Variants in NAT10 observed in about 807,000 individuals in gnomAD.
NAT10 encodes N-acetyltransferase 10, also known as RNA cytidine acetyltransferase.
NAT10 carries 109 observed loss-of-function variants against 132.2 expected under a neutral mutation model. The observed-to-expected ratio is 0.82, with a 90% CI of 0.71 to 0.97. The LOEUF is 0.97. Ranked by LOEUF, NAT10 falls within the 50% of genes least tolerant of loss-of-function variation. NAT10 has a pLI of 0.00. For synonymous variants in NAT10, 479 were observed against 478.0 expected (o/e 1.00, Z -0.03); for missense variants, 1,184 against 1,263.4 (o/e 0.94, Z 0.95).
chr11:34,116,404 G>A (rs747574774), intron 6 of NAT10, among the ~76,000 whole-genome samples: 43 of 152,138 alleles, frequency 2.8e-4, no homozygotes, highest in Admixed American at 1.2e-3. Context: ...AAATTTGTAT[G>A]TATTTATTTT....
chr11:34,108,957 A>G lies in NAT10; in HGVS notation c.200+124A>G, dbSNP rs1258914746. ...AGTGGAGGTGCTATCTCTGAGGACA[A>G]ATGGAGCTGATATCCTTTCTTCATT... On this transcript the variant is annotated intron_variant, in intron 3 of 28. Coordinates refer to ENST00000257829, the MANE Select transcript of NAT10 (RefSeq NM_024662.3). The G allele has an allele frequency of 4.1e-6, 3 of 729,270 alleles. No individual in the cohort carries two copies. The South Asian group carries it at 6.2e-5, about 15-fold the overall frequency. The allele number at this position is 729,270 out of a possible 1,614,324, so 45.2% of individuals were successfully genotyped here. A position where few individuals can be genotyped will look rare whatever the true frequency, so the allele number is the denominator to read the frequency against.
intron 21 of NAT10, 149 bp downstream of exon 21, chr11:34,137,175 G>A: frequency 1.3e-6 from 1 of 785,678 alleles, no homozygotes; most frequent in Admixed American, 2.1e-5. Flanking sequence ...GATGGACATG[G>A]AAACAGCCAT....
chr11:34,134,004 A>C (rs1305512415), intron 16 of NAT10, among the ~76,000 whole-genome samples: 1 of 151,684 alleles, frequency 6.6e-6, no homozygotes, highest in African/African-American at 2.4e-5. Context: ...AAAAAAAAAA[A>C]ATACAAAAAA....
intron 8 of NAT10, among the ~76,000 whole-genome samples, chr11:34,119,630 TAAG>T (rs1228886075): frequency 2.6e-5 from 4 of 152,170 alleles, no homozygotes; most frequent in African/African-American, 9.6e-5. Context: ...CATAAAAAAA[TAAG>T]AAGTGGTGTT....
intron 27 of NAT10, 100 bp downstream of exon 27, chr11:34,142,448 G>A (rs1026879929): frequency 9.2e-6 from 9 of 983,088 alleles, no homozygotes; most frequent in South Asian, 4.2e-5. Context: ...CCTGGAAAGT[G>A]TCTTTCATGG....
chr11:34,124,228 ACTTG>A, intron 10 of NAT10, 70 bp from the exon 11 acceptor site: 1 of 960,108 alleles, frequency 1.0e-6, no homozygotes, highest in African/African-American at 1.6e-5. Context: ...TCTTTAGAAT[ACTTG>A]CTTACTTTCA....
chr11:34,136,568 C>T, intron 19 of NAT10, 74 bp from the exon 20 acceptor site: 1 of 1,584,524 alleles, frequency 6.3e-7, no homozygotes, highest in Non-Finnish European at 8.6e-7. Context: ...CCAGAGTGCG[C>T]TGCGGCAGGG....
rs1413965590 is a variant in NAT10, at chr11:34,136,753, G to A, written c.2140G>A (p.Gly714Ser). ...CCTGGATTACCTGGGTGTTTCCTAT[G>A]GCTTGACCCCCAGGCTCCTCAAGTA... ...ERLDYLGVSY[G>S]LTPRLLKFWK... The change falls in exon 20 of 29, where the codon GGC (glycine) becomes AGC (serine). Residue 714 changes from glycine to serine, a missense_variant. Physicochemically the swap from Gly to Ser is moderately conservative, Grantham distance 56. Coordinates refer to ENST00000257829, the MANE Select transcript of NAT10 (RefSeq NM_024662.3). 48 of 1,614,004 alleles carry A rather than the reference G, an allele frequency of 3.0e-5. No homozygotes were observed. The highest frequency in any genetic ancestry group is 4.1e-5 in the Non-Finnish European group (48 of 1,180,026).
intron 21 of NAT10, 107 bp downstream of exon 21, chr11:34,137,133 C>A: frequency 7.9e-7 from 1 of 1,258,656 alleles, no homozygotes; most frequent in Non-Finnish European, 1.1e-6. Flanking sequence ...TCGCTCTGAG[C>A]AGGTGGCTGT....
intron 13 of NAT10, 23 bp from the exon 14 acceptor site, chr11:34,131,356 TTG>T (rs1348811813): frequency 1.3e-6 from 2 of 1,586,758 alleles, no homozygotes; most frequent in Admixed American, 1.8e-5. Flanking sequence ...GTTTCTTCTT[TTG>T]TGTGTGTGAT....
At chr11:34,131,235 A>T in intron 13 of NAT10, 146 bp from the exon 14 acceptor site, 1 of 1,224,312 alleles carries the variant, frequency 8.2e-7, no homozygotes, top group Non-Finnish European at 1.1e-6. Flanking sequence ...CACCAAAAAC[A>T]ATTTTAAACC....
intron 21 of NAT10, 91 bp from the exon 22 acceptor site, chr11:34,139,099 GC>G (rs1348301813): frequency 2.5e-6 from 3 of 1,218,792 alleles, no homozygotes; most frequent in African/African-American, 3.0e-5. Context: ...GAAGCACTAA[GC>G]CTTTCTTCTC....
chr11:34,128,949 G>A (rs1833622263), intron 12 of NAT10, among the ~76,000 whole-genome samples: 1 of 152,140 alleles, frequency 6.6e-6, no homozygotes, highest in African/African-American at 2.4e-5. Flanking sequence ...GGTCTTCCAT[G>A]ACTGACTTGT....
intron 28 of NAT10, 25 bp downstream of exon 28, chr11:34,143,553 A>G (rs376190946): frequency 2.5e-6 from 4 of 1,605,966 alleles, no homozygotes; most frequent in South Asian, 1.1e-5. Context: ...TCTGATGTGC[A>G]TCTGGCGGAA....
chr11:34,140,296 C>G lies in NAT10; in HGVS notation c.2420-104C>G, dbSNP rs557773846. 8 of 1,096,918 alleles carry G rather than the reference C, an allele frequency of 7.3e-6. No individual in the cohort carries two copies. The East Asian group carries it at 1.9e-4, about 26-fold the overall frequency. 67.9% of individuals were successfully genotyped at this position (1,096,918 alleles called of 1,614,324 possible). Reference sequence around the variant, plus strand: ...GGGCTGTGTGGTATGGCTGCCAGGCCCTGTTAGATGCTCCTGTGTGTTAGG... The same window carrying G: ...GGGCTGTGTGGTATGGCTGCCAGGCGCTGTTAGATGCTCCTGTGTGTTAGG... On this transcript the variant is annotated intron_variant, in intron 23 of 28. Transcript: ENST00000257829.
intron 14 of NAT10, 48 bp downstream of exon 14, chr11:34,131,579 T>C (rs1364502019): frequency 1.3e-6 from 2 of 1,550,134 alleles, no homozygotes; most frequent in African/African-American, 2.7e-5. Context: ...AGAGGGGCGG[T>C]GAAAGAATTC....
chr11:34,133,094 C>T lies in NAT10; in HGVS notation c.1686C>T (p.Pro562=), dbSNP rs2957518. The change falls in exon 16 of 29, where the codon CCC becomes CCT. Residue 562 remains proline, a synonymous_variant. Transcript: ENST00000257829. ...ACCATCTCTTCTGCCTTCTGCCTCC[C>T]GTGCCCCCCACCCAGAATGCCCTTC... The part of the protein sequence containing the change: ...PAHHLFCLLP[P]VPPTQNALPE... 1,527,369 of 1,614,020 alleles carry T rather than the reference C, an allele frequency of 0.95. 726,815 individuals are homozygous for T. Among genetic ancestry groups the T allele is most frequent in the East Asian group, 1 (44,870 of 44,886 alleles).
chr11:34,129,339 G>A (rs1346635555), intron 12 of NAT10, among the ~76,000 whole-genome samples: 1 of 152,136 alleles, frequency 6.6e-6, no homozygotes, highest in Non-Finnish European at 1.5e-5. Context: ...GGTGTGAAGT[G>A]ACCTCTCGTT....
At position 34,139,261 on chromosome 11, in the gene NAT10, G is replaced by A; in HGVS notation, c.2282G>A (p.Gly761Glu). Residue 761 changes from glycine (G) to glutamate (E), a missense_variant, in exon 22 of 29, where the codon GGA (glycine) becomes GAA (glutamate). Coordinates refer to ENST00000257829, the MANE Select transcript of NAT10 (RefSeq NM_024662.3). ...ACTGATGAGGATGAGGCTGACCAGG[G>A]AGGCTGGCTTGCAGCCTTCTGGAAA... ...TLTDEDEADQ[G>E]GWLAAFWKDF... The A allele has an allele frequency of 6.2e-7, 1 of 1,614,148 alleles. No homozygotes were observed. Among genetic ancestry groups the A allele is most frequent in the Non-Finnish European group, 8.5e-7 (1 of 1,180,010 alleles).
Sources: gnomAD v4.1 joint callset for allele counts (sites outside exome capture counted in the v4.1 genomes callset) on GRCh38, gnomAD v4.1.1 for gene constraint, MANE v1.5 for transcripts, NCBI Gene and HGNC (gene_info 2026-07-23, HGNC 2026-07-21) for gene names.